ASPRV1: variants seen among roughly 807,000 people sequenced by gnomAD.
The protein encoded by ASPRV1 is aspartic peptidase retroviral like 1, also known as retroviral-like aspartic protease 1.
Under a neutral mutation model 11.0 loss-of-function variants are expected in ASPRV1, and 7 were observed. The observed-to-expected ratio is 0.64, with a 90% CI of 0.36 to 1.20. The LOEUF (loss-of-function observed/expected upper bound fraction) is 1.20, where lower values mean the gene tolerates loss of function less well. Among genes scored for constraint, ASPRV1 ranks in the 50% most tolerant of loss-of-function variants. ASPRV1 has a pLI of 0.02. For missense variants in ASPRV1, 299 were observed against 320.0 expected (o/e 0.93, Z 0.50); for synonymous variants, 136 against 138.4 (o/e 0.98, Z 0.12).
At chr2:70,081,023 T>A in the ASPRV1 span, 10 of 151,868 alleles carry the variant, frequency 6.6e-5, no homozygotes, top group African/African-American at 2.4e-4. Context: ...CTCCTGCCTC[T>A]GCGCCCAAAG....
chr2:69,957,181 G>A (rs1677958671), downstream of ASPRV1, among the ~76,000 whole-genome samples: 1 of 152,066 alleles, frequency 6.6e-6, no homozygotes, highest in Admixed American at 6.5e-5. Context: ...GGTTATATAA[G>A]AGAATGCCCT....
At chr2:69,988,662 A>C in the ASPRV1 span, 4 of 416,338 alleles carry the variant, frequency 9.6e-6, no homozygotes, top group South Asian at 6.8e-5. Context: ...ACACTCAAAA[A>C]TCATTAAAAT....
In ASPRV1 at chr2:69,961,071, G is replaced by A. The variant is rs114182672; in HGVS notation, c.366C>T (p.Pro122=). 7.2e-4 allele frequency: 1,163 copies of A among 1,613,802 alleles called. 3 individuals are homozygous for A. The East Asian group carries it at 0.012, about 17-fold the overall frequency. ...CCCCAGAGTCCACCAGGAACCTCAC[G>A]GGCACTTTGCCAATCTTCCCCTTGA... ...YYLKGKIGKV[P]VRFLVDSGAQ... Residue 122 remains proline (P), a synonymous_variant, in exon 1 of 1, where the codon CCC becomes CCT. Transcript: ENST00000320256.
the ASPRV1 span, among the ~76,000 whole-genome samples, chr2:69,979,433 A>G: frequency 1.3e-5 from 2 of 152,136 alleles, no homozygotes; most frequent in African/African-American, 2.4e-5. Flanking sequence ...CTCTGAGGGA[A>G]GAGTCTTCGG....
At chr2:70,040,335 C>T in the ASPRV1 span, among the ~76,000 whole-genome samples, 3 of 152,170 alleles carry the variant, frequency 2.0e-5, no homozygotes, top group African/African-American at 7.2e-5. Context: ...GATCACACCA[C>T]CGCACTCTAG....
At chr2:69,998,318 C>T in the ASPRV1 span, among the ~76,000 whole-genome samples, 44 of 152,004 alleles carry the variant, frequency 2.9e-4, no homozygotes, top group Middle Eastern at 3.4e-3. Flanking sequence ...GTTTGTCATT[C>T]CCCAATAAGA....
At chr2:69,937,248 G>T in the ASPRV1 span, 1 of 1,613,900 alleles carries the variant, frequency 6.2e-7, no homozygotes, top group Non-Finnish European at 8.5e-7. Flanking sequence ...CTTGAAGATT[G>T]TGACAGAAAA....
chr2:70,011,553 T>C, the ASPRV1 span: 1 of 152,454 alleles, frequency 6.6e-6, no homozygotes, highest in Non-Finnish European at 1.5e-5. Context: ...GCTTAAGCAT[T>C]TGAGCAGATG....
At chr2:69,982,793 C>T in the ASPRV1 span, among the ~76,000 whole-genome samples, 1 of 152,222 alleles carries the variant, frequency 6.6e-6, no homozygotes, top group African/African-American at 2.4e-5. Context: ...GCCCCTCAGA[C>T]CTGGAAGCCC....
the ASPRV1 span, among the ~76,000 whole-genome samples, chr2:70,065,324 G>A: frequency 6.9e-6 from 1 of 144,200 alleles, no homozygotes; most frequent in Admixed American, 7.1e-5. Flanking sequence ...CCAGGAGGCG[G>A]AGCTTGCAAT....
At chr2:70,023,009 ATC>A in the ASPRV1 span, among the ~76,000 whole-genome samples, 2 of 152,176 alleles carry the variant, frequency 1.3e-5, no homozygotes, top group Admixed American at 1.3e-4. Context: ...AGAATACAGA[ATC>A]ATAAAATCCT....
chr2:70,053,403 G>GGAAA, the ASPRV1 span, among the ~76,000 whole-genome samples: 1 of 152,050 alleles, frequency 6.6e-6, no homozygotes, highest in African/African-American at 2.4e-5. Flanking sequence ...GGGCACTCAG[G>GGAAA]GAAAGACTCA....
At chr2:70,026,149 T>C in the ASPRV1 span, among the ~76,000 whole-genome samples, 144 of 152,172 alleles carry the variant, frequency 9.5e-4, no homozygotes, top group African/African-American at 3.4e-3. Flanking sequence ...TGAAACCTTG[T>C]CTCTACTAAA....
chr2:70,027,836 A>C, the ASPRV1 span, among the ~76,000 whole-genome samples: 1 of 152,234 alleles, frequency 6.6e-6, no homozygotes, highest in Non-Finnish European at 1.5e-5. Flanking sequence ...GAAGATTTAG[A>C]ATGTTACCAA....
chr2:69,955,798 GTTGGAA>G (rs1677923189), downstream of ASPRV1, among the ~76,000 whole-genome samples: 1 of 152,166 alleles, frequency 6.6e-6, no homozygotes, highest in Admixed American at 6.5e-5. Context: ...AGAGTGTGGG[GTTGGAA>G]TTGGAAGTAT....
chr2:69,968,136 A>G, the ASPRV1 span, among the ~76,000 whole-genome samples: 1 of 152,242 alleles, frequency 6.6e-6, no homozygotes, highest in African/African-American at 2.4e-5. Context: ...TAGGGAATAA[A>G]TAGGAAACTT....
At chr2:70,063,780 A>C in the ASPRV1 span, 1 of 152,202 alleles carries the variant, frequency 6.6e-6, no homozygotes, top group Non-Finnish European at 1.5e-5. Flanking sequence ...CCTTTCTATA[A>C]TCCAAAAGCT....
At chr2:69,933,110 A>C in the ASPRV1 span, among the ~76,000 whole-genome samples, 2 of 149,396 alleles carry the variant, frequency 1.3e-5, no homozygotes. Context: ...GAAGAAGGAG[A>C]ATCTGTTGAG....
chr2:69,935,492 T>C, the ASPRV1 span: 54 of 1,461,110 alleles, frequency 3.7e-5, 4 homozygotes, highest in South Asian at 6.0e-4. Flanking sequence ...GATGCTGCTT[T>C]ATCTTTACCT....
Sources: allele counts gnomAD v4.1 joint callset (sites outside exome capture counted in the v4.1 genomes callset), GRCh38; gene constraint gnomAD v4.1.1; transcripts MANE v1.5; gene names NCBI Gene and HGNC (gene_info 2026-07-23, HGNC 2026-07-21).